Variants in ERC1 observed in about 807,000 individuals in gnomAD.
ERC1 encodes the protein RAB6 interacting protein 2.
In ERC1, 56 loss-of-function variants were observed where a neutral mutation model predicts 132.0. The observed-to-expected ratio is 0.42, with a 90% CI of 0.34 to 0.53. ERC1 has a LOEUF of 0.53. ERC1 is among the 20% of genes least tolerant of loss of function. The probability of loss-of-function intolerance (pLI) is 0.03; values close to 1 mark genes in which losing one functional copy is unlikely to be tolerated. For synonymous variants in ERC1, 478 were observed against 476.1 expected (o/e 1.00, Z -0.05); for missense variants, 1,202 against 1,349.9 (o/e 0.89, Z 1.72).
At chr12:1,400,977 C>T (rs1240914722) in intron 16 of ERC1, among the ~76,000 whole-genome samples, 2 of 113,980 alleles carry the variant, frequency 1.8e-5, no homozygotes, top group Admixed American at 2.6e-4. Context: ...GCTCTATCGC[C>T]CAGGCTGGAG....
intron 1 of ERC1, among the ~76,000 whole-genome samples, chr12:1,020,041 A>G (rs1411584161): frequency 6.6e-6 from 1 of 152,166 alleles, no homozygotes; most frequent in Non-Finnish European, 1.5e-5. Flanking sequence ...GGCATGGGCC[A>G]CTGTGTCAGG....
chr12:1,422,350 TC>T (rs2092459889), intron 17 of ERC1, among the ~76,000 whole-genome samples: 1 of 152,082 alleles, frequency 6.6e-6, no homozygotes, highest in Non-Finnish European at 1.5e-5. Flanking sequence ...GCTTTCCCCT[TC>T]CCCCTACCCT....
Position 1,081,071 on chromosome 12 carries a change from A to C in ERC1, c.670-2093A>C, listed in dbSNP as rs187648249. 1.7e-3 allele frequency among the ~76,000 whole-genome samples: 260 copies of C among 152,332 alleles called. 1 individual carries two copies. Among genetic ancestry groups the C allele is most frequent in the Non-Finnish European group, 3.0e-3 (206 of 68,026 alleles). On this transcript the variant is annotated intron_variant, in intron 2 of 18. Coordinates refer to ENST00000360905, the MANE Select transcript of ERC1 (RefSeq NM_178040.4). ...AGCGTGAGAGTCAGAACTGAAACTC[A>C]TGTTTTCTCATCACAGTTTCGTGTT... is the stretch of plus-strand genomic sequence containing the variant.
At chr12:1,487,539 T>A (rs552377380) in intron 18 of ERC1, among the ~76,000 whole-genome samples, 8 of 130,844 alleles carry the variant, frequency 6.1e-5, no homozygotes, top group East Asian at 2.0e-4. Flanking sequence ...ACCGCACCTC[T>A]AAAAAAGAAA....
At chr12:994,229 TTTGG>T (rs1294479614) in intron 1 of ERC1, among the ~76,000 whole-genome samples, 1 of 152,174 alleles carries the variant, frequency 6.6e-6, no homozygotes, top group Non-Finnish European at 1.5e-5. Context: ...AATGAAGTAT[TTTGG>T]TTTAAGAATC....
intron 7 of ERC1, among the ~76,000 whole-genome samples, chr12:1,119,582 G>T (rs993418192): frequency 4.2e-5 from 6 of 142,292 alleles, no homozygotes; most frequent in African/African-American, 7.9e-5. Flanking sequence ...ATGGAGTTTT[G>T]CTCTTGTTGC....
intron 14 of ERC1, among the ~76,000 whole-genome samples, chr12:1,285,627 A>G (rs2078991894): frequency 1.3e-5 from 2 of 152,192 alleles, no homozygotes; most frequent in Admixed American, 6.5e-5. Context: ...TATGAAAAAG[A>G]AAACCTGAGA....
intron 12 of ERC1, among the ~76,000 whole-genome samples, chr12:1,211,887 A>G (rs1957913503): frequency 6.6e-6 from 1 of 152,112 alleles, no homozygotes; most frequent in African/African-American, 2.4e-5. Context: ...GTTCTATACA[A>G]TGTGTTGTGA....
chr12:1,463,449 A>G (rs964973706), intron 18 of ERC1, among the ~76,000 whole-genome samples: 6 of 152,196 alleles, frequency 3.9e-5, no homozygotes, highest in African/African-American at 9.7e-5. Flanking sequence ...GTGGGGCAGC[A>G]AACTTTCTTC....
intron 17 of ERC1, among the ~76,000 whole-genome samples, chr12:1,435,517 C>G (rs1362514768): frequency 6.6e-6 from 1 of 152,120 alleles, no homozygotes; most frequent in Non-Finnish European, 1.5e-5. Flanking sequence ...GCCTTCTGTC[C>G]TGGTACTGTT....
In ERC1 at chr12:1,493,904, G is replaced by A. The variant is rs552264151; in HGVS notation, c.*3674G>A. The stretch of plus-strand genomic sequence containing the variant: ...TAATCCCTCCGCTATTGAGGGTCAG[G>A]GTTGTGAGGCAACCATCATGTGTCA... On this transcript the variant is annotated 3_prime_UTR_variant, in exon 19 of 19. Coordinates refer to ENST00000360905, the MANE Select transcript of ERC1 (RefSeq NM_178040.4). 1.7e-4 allele frequency: 40 copies of A among 230,922 alleles called. No homozygotes were observed. Among genetic ancestry groups the A allele is most frequent in the Non-Finnish European group, 2.7e-4 (32 of 116,708 alleles). 14.3% of individuals were successfully genotyped at this position (230,922 alleles called of 1,614,324 possible). A position where few individuals can be genotyped will look rare whatever the true frequency, so the allele number is the denominator to read the frequency against.
At chr12:1,326,412 A>G (rs1051784590) in intron 15 of ERC1, among the ~76,000 whole-genome samples, 5 of 152,196 alleles carry the variant, frequency 3.3e-5, no homozygotes, top group African/African-American at 9.6e-5. Context: ...GAAGGCATTC[A>G]TGACAAAGCT....
intron 7 of ERC1, among the ~76,000 whole-genome samples, chr12:1,136,374 T>A (rs1593595882): frequency 6.6e-6 from 1 of 152,242 alleles, no homozygotes; most frequent in African/African-American, 2.4e-5. Context: ...CTTTGAGGTA[T>A]CTCCAAGCAA....
intron 12 of ERC1, among the ~76,000 whole-genome samples, chr12:1,235,385 C>T (rs112327298): frequency 8.9e-4 from 136 of 152,058 alleles, no homozygotes; most frequent in African/African-American, 2.8e-3. Context: ...TGAATTCTAT[C>T]GATGAAAAGA....
At position 1,141,511 on chromosome 12, in the gene ERC1, A is replaced by G. The variant is rs939783047; in HGVS notation, c.1570-109A>G. The G allele has an allele frequency of 1.2e-5, 10 of 824,072 alleles. No homozygotes were observed. In the Middle Eastern group the frequency reaches 1.9e-3, roughly 153 times the overall value. 51.0% of individuals were successfully genotyped at this position (824,072 alleles called of 1,614,324 possible). ...CATAGATGTAGATAATACTACTTTT[A>G]TAGAATAACAAAACTCAACCTCTTT... On this transcript the variant is annotated intron_variant, in intron 7 of 18. Coordinates refer to ENST00000360905, the MANE Select transcript of ERC1 (RefSeq NM_178040.4).
intron 9 of ERC1, 141 bp from the exon 10 acceptor site, chr12:1,181,783 CA>C (rs35973834): frequency 0.18 from 121,599 of 690,108 alleles, 6,346 homozygotes; most frequent in African/African-American, 0.53. Context: ...AACTCTGTCT[CA>C]AAAAAAAAAA....
chr12:1,489,663 T>C (rs1592384639), intron 18 of ERC1, among the ~76,000 whole-genome samples: 2 of 152,362 alleles, frequency 1.3e-5, no homozygotes, highest in South Asian at 2.1e-4. Flanking sequence ...GGTAGGCTAA[T>C]GTACCGGATG....
chr12:1,327,354 A>G (rs994709745), intron 15 of ERC1, among the ~76,000 whole-genome samples: 10 of 152,204 alleles, frequency 6.6e-5, no homozygotes, highest in African/African-American at 2.4e-4. Context: ...ATATATTTAC[A>G]CAAGTATTTT....
chr12:1,158,861 T>G (rs1951639424), intron 8 of ERC1, among the ~76,000 whole-genome samples: 1 of 152,168 alleles, frequency 6.6e-6, no homozygotes, highest in South Asian at 2.1e-4. Context: ...GACCATGTGT[T>G]TATGTTATCT....
Sources: gnomAD v4.1 joint callset for allele counts (sites outside exome capture counted in the v4.1 genomes callset) on GRCh38, gnomAD v4.1.1 for gene constraint, MANE v1.5 for transcripts, NCBI Gene and HGNC (gene_info 2026-07-23, HGNC 2026-07-21) for gene names.